MICU2: variants seen among roughly 807,000 people sequenced by gnomAD.
MICU2 encodes the protein mitochondrial calcium uptake 2.
Under a neutral mutation model 60.4 loss-of-function variants are expected in MICU2, and 64 were observed. That is an observed-to-expected ratio of 1.06 (90% CI 0.87 to 1.31). The LOEUF (loss-of-function observed/expected upper bound fraction) is 1.31. Ranked by LOEUF, MICU2 falls within the 50% of genes most tolerant of loss-of-function variation. The pLI is 0.00. For synonymous variants in MICU2, 201 were observed against 175.0 expected (o/e 1.15, Z -1.17); for missense variants, 569 against 531.0 (o/e 1.07, Z -0.70).
intron 2 of MICU2, among the ~76,000 whole-genome samples, chr13:21,563,787 G>A (rs967101874): frequency 2.0e-5 from 3 of 148,756 alleles, no homozygotes; most frequent in African/African-American, 4.9e-5. Context: ...AGCCAGGTCC[G>A]TTACACTGAT....
intron 4 of MICU2, among the ~76,000 whole-genome samples, chr13:21,523,014 G>A (rs1886756792): frequency 6.6e-6 from 1 of 152,060 alleles, no homozygotes; most frequent in Admixed American, 6.6e-5. Flanking sequence ...AGTGTGGGTG[G>A]GCATTATCCA....
chr13:21,573,572 TGCTGCCATC>T, intron 1 of MICU2, among the ~76,000 whole-genome samples: 3 of 152,156 alleles, frequency 2.0e-5, no homozygotes, highest in Non-Finnish European at 4.4e-5. Flanking sequence ...GCGCCCAGCT[TGCTGCCATC>T]TTATGTTTAA....
chr13:21,522,044 T>C (rs1402533282), intron 5 of MICU2, among the ~76,000 whole-genome samples: 1 of 152,246 alleles, frequency 6.6e-6, no homozygotes, highest in African/African-American at 2.4e-5. Context: ...CCCCCACACC[T>C]GGTCTTCCTC....
chr13:21,561,944 G>A (rs1369958455), intron 2 of MICU2, among the ~76,000 whole-genome samples: 1 of 139,422 alleles, frequency 7.2e-6, no homozygotes, highest in Non-Finnish European at 1.5e-5. Context: ...TCCCATCTAT[G>A]AGTGAGAACA....
chr13:21,509,093 A>G (rs1886365267), intron 8 of MICU2, among the ~76,000 whole-genome samples: 1 of 152,188 alleles, frequency 6.6e-6, no homozygotes, highest in African/African-American at 2.4e-5. Context: ...CTCCCAAGTC[A>G]GTGTTTTTCC....
In MICU2 at chr13:21,496,086, C is replaced by T. The variant is rs7317317; in HGVS notation, c.1008G>A (p.Gln336=). The change falls in exon 10 of 12, where the codon CAG becomes CAA. Residue 336 remains glutamine (Q), a synonymous_variant. Coordinates refer to ENST00000382374, the MANE Select transcript of MICU2 (RefSeq NM_152726.3). ...CAGGACGATGAGCTAAACTGAACAT[C>T]TGCATGGCAATAGCAAAGTCTTCCA... The part of the protein sequence containing the change: ...THLEDFAIAM[Q]MFSLAHRPVR... 5.0e-6 allele frequency: 8 copies of T among 1,614,028 alleles called. No individual in the cohort carries two copies. Among genetic ancestry groups the T allele is most frequent in the Non-Finnish European group, 6.8e-6 (8 of 1,179,946 alleles).
At chr13:21,510,386 T>C (rs1002519217) in intron 7 of MICU2, among the ~76,000 whole-genome samples, 3 of 152,166 alleles carry the variant, frequency 2.0e-5, no homozygotes, top group Non-Finnish European at 4.4e-5. Flanking sequence ...AAGTTTAGAA[T>C]AGTGAAATAA....
chr13:21,522,528 C>T (rs970197531), intron 5 of MICU2, 75 bp downstream of exon 5: 1 of 1,199,852 alleles, frequency 8.3e-7, no homozygotes, highest in Non-Finnish European at 1.2e-6. Flanking sequence ...GACATAAATG[C>T]CAAACTTTTA....
intron 4 of MICU2, chr13:21,531,115 A>G (rs1476605841): frequency 1.1e-6 from 1 of 929,088 alleles, no homozygotes; most frequent in Non-Finnish European, 1.8e-6. Context: ...AGTTCCCCCT[A>G]CCTAATTGCC....
At chr13:21,548,682 G>A (rs184949104) in intron 2 of MICU2, among the ~76,000 whole-genome samples, 1 of 152,242 alleles carries the variant, frequency 6.6e-6, no homozygotes, top group Admixed American at 6.5e-5. Context: ...ACTCCAATAA[G>A]CCACCCTTTA....
intron 1 of MICU2, among the ~76,000 whole-genome samples, chr13:21,579,080 T>G (rs1260208251): frequency 6.6e-6 from 1 of 152,194 alleles, no homozygotes; most frequent in East Asian, 1.9e-4. Context: ...ATTAACAGAC[T>G]GTAATGAGAT....
At chr13:21,493,529 G>A (rs1885914713) in intron 11 of MICU2, among the ~76,000 whole-genome samples, 176 bp from the exon 12 acceptor site, 1 of 152,158 alleles carries the variant, frequency 6.6e-6, no homozygotes, top group Admixed American at 6.5e-5. Context: ...AAGACAAAAA[G>A]TGAATGTAAC....
At chr13:21,531,800 C>T (rs1211067095) in intron 4 of MICU2, among the ~76,000 whole-genome samples, 4 of 152,142 alleles carry the variant, frequency 2.6e-5, no homozygotes, top group Admixed American at 2.0e-4. Context: ...GCCAAAAAAA[C>T]GGTTTTGTAA....
chr13:21,566,807 C>A lies in MICU2; in HGVS notation c.348G>T (p.Glu116Asp), dbSNP rs1232204540. Residue 116 changes from glutamate (E) to aspartate (D), a missense_variant, in exon 2 of 12, where the codon GAG (glutamate) becomes GAT (aspartate). Physicochemically the swap from Glu to Asp is conservative, Grantham distance 45. Transcript: ENST00000382374. ...PRDFLFSVMF[E>D]QMERKTSVKK... ...AAAGACCCAACTCACGTTCCATTTG[C>A]TCAAACATCACTGAGAAGAGGAAGT... is the stretch of plus-strand genomic sequence containing the variant. 6.3e-7 allele frequency: 1 copy of A among 1,579,688 alleles called. No homozygotes were observed. Among genetic ancestry groups the A allele is most frequent in the Non-Finnish European group, 8.6e-7 (1 of 1,166,358 alleles).
intron 7 of MICU2, among the ~76,000 whole-genome samples, chr13:21,510,848 A>T (rs1321275175): frequency 6.8e-6 from 1 of 146,776 alleles, no homozygotes; most frequent in Non-Finnish European, 1.5e-5. Context: ...AATTCATTTA[A>T]TGAATTCCTT....
At position 21,503,093 on chromosome 13, in the gene MICU2, T is replaced by C; in HGVS notation, c.766A>G (p.Met256Val). 6.3e-7 allele frequency: 1 copy of C among 1,588,432 alleles called. No individual in the cohort carries two copies. The highest frequency in any genetic ancestry group is 1.4e-5 in the African/African-American group (1 of 73,440). Reference protein sequence around the residue: ...KLHYKEFRRFMENLQTEIQEM... With the variant: ...KLHYKEFRRFVENLQTEIQEM... ...TGAATCTCTGTTTGTAAATTTTCCA[T>C]AAATCTGAATGTTAAAATACAAAAT... The change falls in exon 9 of 12, where the codon ATG becomes GTG. Residue 256 changes from methionine (M) to valine (V), a missense_variant. Transcript: ENST00000382374.
intron 6 of MICU2, among the ~76,000 whole-genome samples, chr13:21,516,414 T>C (rs774253260): frequency 7.2e-5 from 11 of 152,230 alleles, no homozygotes; most frequent in African/African-American, 2.2e-4. Flanking sequence ...TTGCCATTTA[T>C]TGTTGTGTTT....
intron 1 of MICU2, among the ~76,000 whole-genome samples, chr13:21,587,032 C>T (rs1028202836): frequency 2.1e-4 from 32 of 152,122 alleles, no homozygotes; most frequent in African/African-American, 6.8e-4. Context: ...TCATTTTGTA[C>T]ATCAAAGCTA....
In MICU2 at chr13:21,603,940, T is replaced by G; in HGVS notation, c.209A>C (p.Gln70Pro). 1 of 1,612,462 alleles carries G rather than the reference T, an allele frequency of 6.2e-7. No homozygotes were observed. The highest frequency in any genetic ancestry group is 8.5e-7 in the Non-Finnish European group (1 of 1,179,572). The change falls in exon 1 of 12, where the codon CAG (glutamine) becomes CCG (proline). Residue 70 changes from glutamine to proline, a missense_variant and splice_region_variant. By Grantham distance (76) the Gln-to-Pro change is moderately conservative. Coordinates refer to ENST00000382374, the MANE Select transcript of MICU2 (RefSeq NM_152726.3). ...TAGCAGAAGGAGTTAGTCCTGTACC[T>G]GTGCGGAGACTGTAAAACTGCCATC... ...ARDGSFTVSA[Q>P]KNVEHGIIYI... is the part of the protein sequence containing the mutation.
Sources: gnomAD v4.1 joint callset for allele counts (sites outside exome capture counted in the v4.1 genomes callset) on GRCh38, gnomAD v4.1.1 for gene constraint, MANE v1.5 for transcripts, NCBI Gene and HGNC (gene_info 2026-07-23, HGNC 2026-07-21) for gene names.